MED15: variants seen among roughly 807,000 people sequenced by gnomAD.
MED15 encodes mediator of RNA polymerase II transcription subunit 15.
Under a neutral mutation model 118.7 loss-of-function variants are expected in MED15, and 41 were observed. That is an observed-to-expected ratio of 0.35 (90% CI 0.27 to 0.45). The LOEUF is 0.45. Among genes scored for constraint, MED15 ranks in the 20% least tolerant of loss-of-function variants. The pLI is 1.00. For missense variants in MED15, 740 were observed against 1,025.5 expected (o/e 0.72, Z 3.80); for synonymous variants, 436 against 413.9 (o/e 1.05, Z -0.65).
chr22:20,564,431 G>T lies in MED15; in HGVS notation c.452-19G>T, dbSNP rs777718842. ...GAATCTGCCCTGTGGACTGACTGGC[G>T]ACTCTGGTCTTTTCTCAGCCCAGCT... On this transcript the variant is annotated intron_variant, in intron 5 of 17. Transcript: ENST00000263205. The T allele has an allele frequency of 1.2e-6, 2 of 1,613,138 alleles. No homozygotes were observed. The highest frequency in any genetic ancestry group is 4.5e-5 in the East Asian group (2 of 44,866).
In MED15 at chr22:20,584,796, C is replaced by T. The variant is rs903787472; in HGVS notation, c.1804-59C>T. ...TGACCATGGGCCTGGGGTGTGAAGG[C>T]CCCCTAAATGGGGAACCCTCGGGTC... On this transcript the variant is annotated intron_variant, in intron 14 of 17. Transcript: ENST00000263205. 6.9e-6 allele frequency: 11 copies of T among 1,592,324 alleles called. 1 individual carries two copies. Among genetic ancestry groups the T allele is most frequent in the East Asian group, 4.5e-5 (2 of 44,690 alleles).
At chr22:20,585,989 G>A (rs1210691772) in intron 17 of MED15, among the ~76,000 whole-genome samples, 163 bp downstream of exon 17, 1 of 152,158 alleles carries the variant, frequency 6.6e-6, no homozygotes, top group South Asian at 2.1e-4. Flanking sequence ...AGACAGCAGC[G>A]GGTTTTCCAG....
chr22:20,562,948 G>A (rs1416483054), intron 5 of MED15, among the ~76,000 whole-genome samples: 2 of 151,578 alleles, frequency 1.3e-5, no homozygotes, highest in African/African-American at 4.9e-5. Flanking sequence ...AGGCAGGAGG[G>A]TCACTTAAGC....
intron 1 of MED15, among the ~76,000 whole-genome samples, chr22:20,523,287 G>A (rs952633448): frequency 2.0e-5 from 3 of 152,042 alleles, no homozygotes; most frequent in African/African-American, 7.2e-5. Flanking sequence ...CACAGCCCAG[G>A]TTCACATGAG....
chr22:20,542,413 C>T lies in MED15; in HGVS notation c.156+5209C>T, dbSNP rs6001859. On this transcript the variant is annotated intron_variant, in intron 2 of 17. Coordinates refer to ENST00000263205, the MANE Select transcript of MED15 (RefSeq NM_001003891.3). ...CACACGAAGCAATGAAGGGCTGATACATGCTACAACATGGATGAAGCTAAA... is the reference window on the plus strand; with the variant it reads ...CACACGAAGCAATGAAGGGCTGATATATGCTACAACATGGATGAAGCTAAA... Among the ~76,000 whole-genome samples the T allele has an allele frequency of 2.7e-3, 406 of 152,322 alleles. 1 individual carries two copies. Among genetic ancestry groups the T allele is most frequent in the African/African-American group, 8.4e-3 (349 of 41,564 alleles).
chr22:20,551,773 A>G (rs1388181065), intron 3 of MED15: 3 of 474,268 alleles, frequency 6.3e-6, no homozygotes, highest in Non-Finnish European at 1.1e-5. Flanking sequence ...CTCCCTTTTC[A>G]TAGGGCTGTT....
At chr22:20,536,893 C>T (rs1425286613) in intron 1 of MED15, among the ~76,000 whole-genome samples, 2 of 152,204 alleles carry the variant, frequency 1.3e-5, no homozygotes, top group East Asian at 3.8e-4. Flanking sequence ...TCATGGCGAC[C>T]ACCTTTCCTG....
At position 20,547,255 on chromosome 22, in the gene MED15, C is replaced by CT. The variant is rs886448339; in HGVS notation, c.157-4176dup. 1.7e-3 allele frequency among the ~76,000 whole-genome samples: 253 copies of CT among 152,192 alleles called. 2 individuals are homozygous for CT. Among genetic ancestry groups the CT allele is most frequent in the African/African-American group, 5.9e-3 (244 of 41,546 alleles). ...TATCCCTTTTATTGAGAACATTTTG[C>CT]TTTTTGTTTCATTTTTTTAAAAAGC... On this transcript the variant is annotated intron_variant, in intron 2 of 17. Coordinates refer to ENST00000263205, the MANE Select transcript of MED15 (RefSeq NM_001003891.3).
intron 17 of MED15, 21 bp downstream of exon 17, chr22:20,585,847 T>C: frequency 6.2e-7 from 1 of 1,608,454 alleles, no homozygotes; most frequent in Non-Finnish European, 8.5e-7. Flanking sequence ...CCAGAGGAGC[T>C]GTCTGGGGAC....
intron 11 of MED15, 46 bp from the exon 12 acceptor site, chr22:20,583,067 C>G: frequency 4.5e-6 from 7 of 1,558,408 alleles, no homozygotes; most frequent in Non-Finnish European, 6.1e-6. Context: ...TCAAGTTCCC[C>G]ACCCGAGGGT....
chr22:20,532,049 C>T (rs2054882858), intron 1 of MED15, among the ~76,000 whole-genome samples: 2 of 152,168 alleles, frequency 1.3e-5, no homozygotes, highest in South Asian at 4.1e-4. Flanking sequence ...TGGTGAGGAG[C>T]GAGGCTCAAA....
intron 1 of MED15, chr22:20,508,500 A>T: frequency 9.9e-7 from 1 of 1,009,678 alleles, no homozygotes; most frequent in South Asian, 1.4e-5. Flanking sequence ...GTCCGAAAAG[A>T]GAGTCAGCGA....
rs374794651 is a variant in MED15 at position 20,564,628 on chromosome 22, CCAGCAG to C, written c.651_656del (p.Gln217_Gln218del). 1,944 of 1,606,622 alleles carry C rather than the reference CCAGCAG, an allele frequency of 1.2e-3. 4 individuals are homozygous for C. Among genetic ancestry groups the C allele is most frequent in the Non-Finnish European group, 1.4e-3 (1,591 of 1,175,120 alleles). On this transcript the variant is annotated inframe_deletion, in exon 6 of 18. Coordinates refer to ENST00000263205, the MANE Select transcript of MED15 (RefSeq NM_001003891.3). Reference sequence around the variant, plus strand: ...CAGTAGTGCAGCAGCAGCAGCAGCTCCAGCAGCAGCAGCAGCAGCAGCAGCATCTAA... The same window carrying C: ...CAGTAGTGCAGCAGCAGCAGCAGCTCCAGCAGCAGCAGCAGCAGCATCTAA...
chr22:20,530,502 G>C (rs1038529178), intron 1 of MED15, among the ~76,000 whole-genome samples: 1 of 152,106 alleles, frequency 6.6e-6, no homozygotes, highest in African/African-American at 2.4e-5. Context: ...AGAGAAGCTG[G>C]CTGTCCTGGG....
chr22:20,540,720 G>C (rs1041127358), intron 2 of MED15, among the ~76,000 whole-genome samples: 3 of 152,010 alleles, frequency 2.0e-5, no homozygotes, highest in African/African-American at 7.3e-5. Context: ...TGCCAAAAAA[G>C]CACAAGCTAC....
intron 2 of MED15, among the ~76,000 whole-genome samples, chr22:20,543,034 A>C (rs891038387): frequency 6.6e-6 from 1 of 152,084 alleles, no homozygotes; most frequent in Non-Finnish European, 1.5e-5. Flanking sequence ...CAATCTAAAT[A>C]GCCTGAGAAT....
intron 8 of MED15, among the ~76,000 whole-genome samples, chr22:20,572,838 T>C (rs907148557): frequency 6.6e-6 from 1 of 152,176 alleles, no homozygotes; most frequent in Non-Finnish European, 1.5e-5. Flanking sequence ...GTTGGGAGGA[T>C]CGTGCAAGCC....
At chr22:20,541,346 A>G (rs1387982038) in intron 2 of MED15, among the ~76,000 whole-genome samples, 1 of 152,238 alleles carries the variant, frequency 6.6e-6, no homozygotes, top group East Asian at 1.9e-4. Context: ...GCCAACAACC[A>G]TGTGAAAAGA....
chr22:20,546,646 A>G (rs1256855022), intron 2 of MED15, among the ~76,000 whole-genome samples: 1 of 151,822 alleles, frequency 6.6e-6, no homozygotes, highest in East Asian at 1.9e-4. Flanking sequence ...CCCAAGGGCC[A>G]CAGATGGGTT....
Sources: allele counts gnomAD v4.1 joint callset (sites outside exome capture counted in the v4.1 genomes callset), GRCh38; gene constraint gnomAD v4.1.1; transcripts MANE v1.5; gene names NCBI Gene and HGNC (gene_info 2026-07-23, HGNC 2026-07-21).